GRAMD1B: variants seen among roughly 807,000 people sequenced by gnomAD.
GRAMD1B encodes GRAM domain containing 1B, also known as protein Aster-B.
A neutral mutation model predicts 99.7 loss-of-function variants in GRAMD1B; 37 were observed. That is an observed-to-expected ratio of 0.37 (90% CI 0.29 to 0.49). The LOEUF is 0.49. Ranked by LOEUF, GRAMD1B falls within the 20% of genes least tolerant of loss-of-function variation. The pLI is 0.98. For missense variants in GRAMD1B, 888 were observed against 1,009.2 expected, an observed-to-expected ratio of 0.88 and a Z score of 1.63; for synonymous variants, 427 against 387.6, an observed-to-expected ratio of 1.10 and a Z score of -1.19.
At chr11:123,438,247 T>C (rs1949252959) in intron 1 of GRAMD1B, among the ~76,000 whole-genome samples, 1 of 152,180 alleles carries the variant, frequency 6.6e-6, no homozygotes. Flanking sequence ...GTTCAGAGAT[T>C]AACATTCTCC....
At chr11:123,583,149 G>A (rs1342211655) in intron 3 of GRAMD1B, among the ~76,000 whole-genome samples, 1 of 151,944 alleles carries the variant, frequency 6.6e-6, no homozygotes, top group East Asian at 1.9e-4. Flanking sequence ...ACATGTATTT[G>A]TGCATGTCTG....
intron 19 of GRAMD1B, among the ~76,000 whole-genome samples, chr11:123,619,778 A>G (rs1185900795): frequency 6.6e-6 from 1 of 152,216 alleles, no homozygotes; most frequent in Non-Finnish European, 1.5e-5. Context: ...GGCAAAATCA[A>G]TAATTAGCCT....
chr11:123,610,259 G>A lies in GRAMD1B; in HGVS notation c.1840G>A (p.Asp614Asn), dbSNP rs542866239. The A allele has an allele frequency of 5.0e-6, 8 of 1,613,740 alleles. No individual in the cohort carries two copies. Among genetic ancestry groups the A allele is most frequent in the African/African-American group, 2.7e-5 (2 of 75,012 alleles). ...YVIDAEVLTH[D>N]VPYHDYFYTI... is the part of the protein sequence containing the mutation. ...GATAGATGCCGAAGTCCTCACCCAC[G>A]ACGTGCCCTACCATGACTACTTCTA... is the stretch of plus-strand genomic sequence containing the variant. The change falls in exon 14 of 20, where the codon GAC becomes AAC. Residue 614 changes from aspartate (D) to asparagine (N), a missense_variant. Asp to Asn is a conservative substitution (Grantham distance 23). This residue lies in a region of GRAMD1B where 92 missense variants were observed against 156.9 expected (regional missense o/e 0.59). Coordinates refer to ENST00000635736, the MANE Select transcript of GRAMD1B (RefSeq NM_001387025.1). This position sits in a 1 kb window ranked among gnomAD's most constrained non-coding sequence, Gnocchi z 4.1.
rs529324538 is a variant in GRAMD1B at position 123,600,884 on chromosome 11, G to A, written c.1050+336G>A. Among the ~76,000 whole-genome samples the A allele has an allele frequency of 9.3e-4, 142 of 152,282 alleles. 1 individual carries two copies. Among genetic ancestry groups the A allele is most frequent in the Non-Finnish European group, 1.2e-3 (80 of 68,010 alleles). On this transcript the variant is annotated intron_variant, in intron 8 of 19. Transcript: ENST00000635736. ...CAGCAGGATGAGGGCCACCAGGGAAGCACCAGGGTCAGTCAGGAGATGGAA... is the reference window on the plus strand; with the variant it reads ...CAGCAGGATGAGGGCCACCAGGGAAACACCAGGGTCAGTCAGGAGATGGAA...
Position 123,594,135 on chromosome 11 carries a change from G to A in GRAMD1B, c.738G>A (p.Lys246=). Residue 246 remains lysine, a synonymous_variant, in exon 5 of 20, where the codon AAG becomes AAA. Coordinates refer to ENST00000635736, the MANE Select transcript of GRAMD1B (RefSeq NM_001387025.1). ...QRNEDFRKLF[K]QLPDTERLIV... ...ATGAAGACTTCAGAAAGCTCTTTAA[G>A]CAGCTTCCAGACACGGAGCGCCTCA... 6.2e-7 allele frequency: 1 copy of A among 1,613,434 alleles called. No homozygotes were observed. Among genetic ancestry groups the A allele is most frequent in the South Asian group, 1.1e-5 (1 of 91,080 alleles).
intron 2 of GRAMD1B, among the ~76,000 whole-genome samples, chr11:123,518,683 G>GCA (rs1235997064): frequency 6.6e-6 from 1 of 152,212 alleles, no homozygotes; most frequent in Non-Finnish European, 1.5e-5. Flanking sequence ...GTGTGGTTTA[G>GCA]CACTTCACTG....
rs868113275 is a variant in GRAMD1B at position 123,403,579 on chromosome 11, A to G, written c.-176+44780A>G. 1.1e-3 allele frequency among the ~76,000 whole-genome samples: 174 copies of G among 151,744 alleles called. 1 individual carries two copies. Among genetic ancestry groups the G allele is most frequent in the Middle Eastern group, 3.4e-3 (1 of 292 alleles). Reference sequence around the variant, plus strand: ...TTGTTTTAAGACAGAGTCTTACTCCATCACCCAGGCTGGAGTGCAGTGGCA... The same window carrying G: ...TTGTTTTAAGACAGAGTCTTACTCCGTCACCCAGGCTGGAGTGCAGTGGCA... On this transcript the variant is annotated intron_variant, in intron 1 of 20. Transcript: ENST00000638157.
At chr11:123,419,838 G>A (rs547322404) in intron 1 of GRAMD1B, among the ~76,000 whole-genome samples, 13 of 151,936 alleles carry the variant, frequency 8.6e-5, no homozygotes, top group Non-Finnish European at 1.6e-4. Flanking sequence ...TCTGCCTGAA[G>A]GACATATGGG....
chr11:123,530,743 A>G (rs1943268782), intron 2 of GRAMD1B, among the ~76,000 whole-genome samples: 1 of 152,060 alleles, frequency 6.6e-6, no homozygotes, highest in Non-Finnish European at 1.5e-5. Flanking sequence ...GCCCCTGCAC[A>G]CCTCCTATAG....
chr11:123,530,685 G>A (rs1161577039), intron 2 of GRAMD1B, among the ~76,000 whole-genome samples: 1 of 152,184 alleles, frequency 6.6e-6, no homozygotes, highest in Non-Finnish European at 1.5e-5. Context: ...CCAGCCTCAA[G>A]ATTCTTTCTG....
chr11:123,446,628 A>G (rs1949657728), intron 1 of GRAMD1B, among the ~76,000 whole-genome samples: 1 of 152,108 alleles, frequency 6.6e-6, no homozygotes, highest in East Asian at 1.9e-4. Flanking sequence ...CCATGCTTGG[A>G]TTGCTTCTTA....
upstream of GRAMD1B, among the ~76,000 whole-genome samples, chr11:123,427,112 G>A (rs1486950765): frequency 2.0e-5 from 3 of 152,198 alleles, no homozygotes; most frequent in South Asian, 2.1e-4. Flanking sequence ...GTCGCTGAGA[G>A]CCAAATATTG....
At chr11:123,578,324 T>G in intron 3 of GRAMD1B, 3 of 1,180,420 alleles carry the variant, frequency 2.5e-6, no homozygotes, top group Non-Finnish European at 3.6e-6. Context: ...GGCTTCCCAC[T>G]TGAATTTGTC....
At chr11:123,501,922 T>C (rs1939908340) in intron 2 of GRAMD1B, among the ~76,000 whole-genome samples, 1 of 152,236 alleles carries the variant, frequency 6.6e-6, no homozygotes, top group Non-Finnish European at 1.5e-5. Context: ...TTCACTCTCA[T>C]GCCCAAGCAG....
Position 123,622,487 on chromosome 11 carries a change from G to C in GRAMD1B, c.2545-19G>C, listed in dbSNP as rs142458895. On this transcript the variant is annotated intron_variant, in intron 19 of 19. Transcript: ENST00000635736. ...AAAAGCGCAGACCCAGGCCTGGGGT[G>C]GGGTTTTCTGTCTTGCAGATGAAGG... The C allele has an allele frequency of 9.5e-4, 1,411 of 1,481,154 alleles. 2 individuals are homozygous for C. Among genetic ancestry groups the C allele is most frequent in the Non-Finnish European group, 1.2e-3 (1,301 of 1,082,504 alleles). 91.8% of individuals were successfully genotyped at this position (1,481,154 alleles called of 1,614,324 possible). A position where few individuals can be genotyped will look rare whatever the true frequency, so the allele number is the denominator to read the frequency against.
chr11:123,539,072 G>A (rs543418581), intron 2 of GRAMD1B, among the ~76,000 whole-genome samples: 8 of 152,092 alleles, frequency 5.3e-5, no homozygotes, highest in African/African-American at 1.4e-4. Flanking sequence ...TAATTTTTAA[G>A]TTCAGAGCTA....
chr11:123,449,355 T>C (rs1471206748), intron 1 of GRAMD1B, among the ~76,000 whole-genome samples: 1 of 152,234 alleles, frequency 6.6e-6, no homozygotes, highest in Non-Finnish European at 1.5e-5. Flanking sequence ...AATGAATGAA[T>C]AATCAAATGA....
intron 19 of GRAMD1B, among the ~76,000 whole-genome samples, chr11:123,620,708 C>T (rs1955022078): frequency 6.6e-6 from 1 of 152,178 alleles, no homozygotes. Context: ...GGGTGGCCTT[C>T]AGACACCCAG....
At chr11:123,511,793 G>C (rs1340264236) in intron 2 of GRAMD1B, among the ~76,000 whole-genome samples, 1 of 152,158 alleles carries the variant, frequency 6.6e-6, no homozygotes, top group Non-Finnish European at 1.5e-5. Flanking sequence ...AGCCTGAACC[G>C]GCAGGAATGT....
Sources: allele counts gnomAD v4.1 joint callset (sites outside exome capture counted in the v4.1 genomes callset), GRCh38; gene constraint gnomAD v4.1.1; regional missense constraint gnomAD v4.1.1; non-coding constraint Gnocchi (gnomAD v3.1); transcripts MANE v1.5; gene names NCBI Gene and HGNC (gene_info 2026-07-23, HGNC 2026-07-21).